RGS11: variants seen among roughly 807,000 people sequenced by gnomAD.
The protein encoded by RGS11 is regulator of G protein signaling 11, also known as regulator of G-protein signaling 11.
Under a neutral mutation model 71.1 loss-of-function variants are expected in RGS11, and 86 were observed. The ratio of observed to expected loss-of-function variants is 1.21; its 90% CI spans 1.02 to 1.45. The LOEUF is 1.45. Ranked by LOEUF, RGS11 falls within the 40% of genes most tolerant of loss-of-function variation. RGS11 has a pLI of 0.00. For synonymous variants in RGS11, 298 were observed against 254.2 expected (o/e 1.17, Z -1.64); for missense variants, 734 against 635.1 (o/e 1.16, Z -1.67).
At chr16:274,326 C>T in intron 4 of RGS11, 61 bp from the exon 5 acceptor site, 2 of 1,546,500 alleles carry the variant, frequency 1.3e-6, no homozygotes, top group Non-Finnish European at 1.8e-6. Flanking sequence ...CCAGTGTCAC[C>T]CCACCCTCAG....
chr16:270,855 A>G, intron 13 of RGS11, 24 bp from the exon 14 acceptor site: 1 of 1,606,190 alleles, frequency 6.2e-7, no homozygotes, highest in Non-Finnish European at 8.5e-7. Context: ...CACCCAGTCA[A>G]GGATCCCATC....
intron 9 of RGS11, chr16:272,554 C>A: frequency 2.8e-6 from 4 of 1,442,200 alleles, no homozygotes; most frequent in South Asian, 2.5e-5. Flanking sequence ...TGCTTGTCAC[C>A]CCTCCAATTC....
In RGS11 at chr16:275,466, G is replaced by A. The variant is rs772209951; in HGVS notation, c.96C>T (p.Pro32=). The A allele has an allele frequency of 3.8e-6, 6 of 1,590,752 alleles. No homozygotes were observed. Among genetic ancestry groups the A allele is most frequent in the Non-Finnish European group, 2.6e-6 (3 of 1,176,032 alleles). The change falls in exon 2 of 17, where the codon CCC becomes CCT. Residue 32 remains proline, a synonymous_variant. Coordinates refer to ENST00000397770, the MANE Select transcript of RGS11 (RefSeq NM_183337.3). The part of the protein sequence containing the change: ...MERVVVSMQD[P]DQGVKMRSQR... Reference sequence around the variant, plus strand: ...GGCTCCGCATCTTCACGCCCTGGTCGGGGTCCTGCATGCTCACGACCACCC... The same window carrying A: ...GGCTCCGCATCTTCACGCCCTGGTCAGGGTCCTGCATGCTCACGACCACCC...
rs779113314 is a variant in RGS11, at chr16:271,150, T to TC, written c.863+51dup. 2.7e-5 allele frequency: 44 copies of TC among 1,603,648 alleles called. 1 individual carries two copies. The South Asian group carries it at 4.5e-4, about 16-fold the overall frequency. On this transcript the variant is annotated intron_variant, in intron 12 of 16. Coordinates refer to ENST00000397770, the MANE Select transcript of RGS11 (RefSeq NM_183337.3). ...GAGGGTGGGGACTGACCCTCCTGCG[T>TC]CCCCCCAGGCTGGGAGCACACCCGC...
intron 9 of RGS11, chr16:271,831 A>G: frequency 1.9e-6 from 1 of 529,972 alleles, no homozygotes; most frequent in African/African-American, 1.9e-5. Flanking sequence ...GTAATATGTC[A>G]TTTTTTTTTC....
In RGS11 at chr16:270,719, C is replaced by T. The variant is rs190023318; in HGVS notation, c.1067+25G>A. 397 of 1,610,942 alleles carry T rather than the reference C, an allele frequency of 2.5e-4. No homozygotes were observed. The African/African-American group carries it at 4.8e-3, about 19-fold the overall frequency. ...CTGGGTGCACCTGCCCGTTGGCCAA[C>T]CGGTGCCCACCACGCAGCACTTACT... On this transcript the variant is annotated intron_variant, in intron 14 of 16. Coordinates refer to ENST00000397770, the MANE Select transcript of RGS11 (RefSeq NM_183337.3).
At position 272,437 on chromosome 16, in the gene RGS11, T is replaced by C. The variant is rs757111836; in HGVS notation, c.657+426A>G. ...GACTGGTTTGAACAAAGGGTTTTGC[T>C]GCTGCGGGGCTCAGATGCTCCCTCT... On this transcript the variant is annotated intron_variant, in intron 9 of 16. Transcript: ENST00000397770. The C allele has an allele frequency of 2.3e-6, 3 of 1,308,074 alleles. No homozygotes were observed. In the South Asian group the frequency reaches 3.7e-5, roughly 16 times the overall value. The allele number at this position is 1,308,074 out of a possible 1,614,324, so 81.0% of individuals were successfully genotyped here. A position where few individuals can be genotyped will look rare whatever the true frequency, so the allele number is the denominator to read the frequency against.
chr16:275,896 CG>C lies in RGS11; in HGVS notation c.15del (p.Ala6ArgfsTer14). 7.9e-6 allele frequency: 7 copies of C among 888,570 alleles called. No individual in the cohort carries two copies. Among genetic ancestry groups the C allele is most frequent in the East Asian group, 7.9e-5 (1 of 12,642 alleles). 55.0% of individuals were successfully genotyped at this position (888,570 alleles called of 1,614,324 possible). ...GCCCGGGGGCGGCCGGGGGGCGGCGCGGGGCCGGCGGCCATGGCTGCGGGGC... is the reference window on the plus strand; with the variant it reads ...GCCCGGGGGCGGCCGGGGGGCGGCGCGGGCCGGCGGCCATGGCTGCGGGGC... Reference protein sequence around the residue: MAAGPAPPPGRPRAQ... With the variant: MAAGXAPPPGRPRAQ... On this transcript the variant is annotated frameshift_variant, in exon 1 of 17. Transcript: ENST00000397770. LOFTEE classifies it high-confidence loss of function.
intron 7 of RGS11, 97 bp from the exon 8 acceptor site, chr16:273,653 G>C (rs1031317319): frequency 6.6e-7 from 1 of 1,505,032 alleles, no homozygotes; most frequent in African/African-American, 1.4e-5. Context: ...CCACACCCAG[G>C]GGTGCCCTCC....
rs367930013 is a variant in RGS11 at position 269,475 on chromosome 16, C to T, written c.1289+28G>A. 1.6e-5 allele frequency: 25 copies of T among 1,609,396 alleles called. No individual in the cohort carries two copies. In the African/African-American group the frequency reaches 3.1e-4, roughly 20 times the overall value. On this transcript the variant is annotated intron_variant, in intron 16 of 16. Transcript: ENST00000397770. ...CCCAGCAGCCCCCAGGCCACAGCCG[C>T]CGGCCACAGGGCACTGCCTGGGCTC...
In RGS11 at chr16:273,514, C is replaced by T. The variant is rs372803776; in HGVS notation, c.549G>A (p.Ala183=). The T allele has an allele frequency of 2.9e-4, 444 of 1,557,366 alleles. No homozygotes were observed. Among genetic ancestry groups the T allele is most frequent in the Non-Finnish European group, 3.7e-4 (422 of 1,150,720 alleles). The change falls in exon 8 of 17, where the codon GCG becomes GCA. Residue 183 remains alanine, a synonymous_variant. Coordinates refer to ENST00000397770, the MANE Select transcript of RGS11 (RefSeq NM_183337.3). The stretch of plus-strand genomic sequence containing the variant: ...CCAGCCAGTAGGTCTGCTCCTGGCA[C>T]GCAATGACCAGCCTGTCCCCCTTGC... ...QRSKGDRLVI[A]CQEQTYWLVN...
chr16:269,674 G>T, intron 15 of RGS11, 89 bp from the exon 16 acceptor site: 1 of 1,014,744 alleles, frequency 9.9e-7, no homozygotes, highest in Non-Finnish European at 1.5e-6. Flanking sequence ...CATTGCTGGA[G>T]CCTCCTCCAG....
chr16:270,826 T>G lies in RGS11; in HGVS notation c.985A>C (p.Asn329His). ...TCACATGCCTCCCAGAAGCTGAGGT[T>G]TTCTCCTGGGGGGCCGGGCACCCAG... ...DFLGKEFSGE[N>H]LSFWEACEEL... The change falls in exon 14 of 17, where the codon AAC (asparagine) becomes CAC (histidine). Residue 329 changes from asparagine to histidine, a missense_variant. Coordinates refer to ENST00000397770, the MANE Select transcript of RGS11 (RefSeq NM_183337.3). The G allele has an allele frequency of 6.2e-7, 1 of 1,611,158 alleles. No individual in the cohort carries two copies. Among genetic ancestry groups the G allele is most frequent in the Non-Finnish European group, 8.5e-7 (1 of 1,179,382 alleles).
At chr16:274,902 T>A in intron 4 of RGS11, 74 bp downstream of exon 4, 1 of 1,253,840 alleles carries the variant, frequency 8.0e-7, no homozygotes, top group Non-Finnish European at 1.1e-6. Flanking sequence ...GCCCCTCCTG[T>A]CTCCCCGAGT....
Position 272,944 on chromosome 16 carries a change from G to A in RGS11, c.589-13C>T, listed in dbSNP as rs774245252. ...CGGGGGCCCCGGGCTGCGGAGGGGA[G>A]ACGAGATGAGGTGGGGATGCAGTTC... On this transcript the variant is annotated splice_polypyrimidine_tract_variant and intron_variant, in intron 8 of 16. Coordinates refer to ENST00000397770, the MANE Select transcript of RGS11 (RefSeq NM_183337.3). 6.1e-5 allele frequency: 90 copies of A among 1,487,498 alleles called. No homozygotes were observed. In the South Asian group the frequency reaches 1.0e-3, roughly 17 times the overall value. The allele number at this position is 1,487,498 out of a possible 1,614,324, so 92.1% of individuals were successfully genotyped here.
intron 13 of RGS11, 25 bp from the exon 14 acceptor site, chr16:270,856 G>A (rs1596891029): frequency 1.2e-6 from 2 of 1,604,900 alleles, no homozygotes; most frequent in South Asian, 2.2e-5. Context: ...ACCCAGTCAA[G>A]GATCCCATCG....
In RGS11 at chr16:270,775, G is replaced by A; in HGVS notation, c.1036C>T (p.Gln346Ter). Residue 346 changes from glutamine (Q) to a stop codon, truncating the protein, a stop_gained, in exon 14 of 17, where the codon CAG becomes TAG. Coordinates refer to ENST00000397770, the MANE Select transcript of RGS11 (RefSeq NM_183337.3). LOFTEE classifies it high-confidence loss of function. ...ACGGCATCCACCAGGGTGGGGACCT[G>A]GGCCTGCGCTCCATATCGAAGCTCC... ...CEELRYGAQAQVPTLVDAVYE... is the reference protein window; with the variant it reads ...CEELRYGAQA 2 of 1,612,576 alleles carry A rather than the reference G, an allele frequency of 1.2e-6. No homozygotes were observed. Among genetic ancestry groups the A allele is most frequent in the South Asian group, 1.1e-5 (1 of 91,018 alleles).
At chr16:272,504 G>T in intron 9 of RGS11, 6 of 1,364,214 alleles carry the variant, frequency 4.4e-6, no homozygotes, top group Non-Finnish European at 5.8e-6. Context: ...CCTGGAGGGA[G>T]GTTGCTGGAT....
rs764484824 is a variant in RGS11, at chr16:271,396, C to A, written c.749+3G>T. The stretch of plus-strand genomic sequence containing the variant: ...TCCAGCTGCCACCCCTCACCCCACT[C>A]ACGCCTCAAGGCAGACGGAGGACTT... On this transcript the variant is annotated splice_donor_region_variant and intron_variant, in intron 11 of 16. Transcript: ENST00000397770. 1 of 1,613,654 alleles carries A rather than the reference C, an allele frequency of 6.2e-7. No individual in the cohort carries two copies. Among genetic ancestry groups the A allele is most frequent in the East Asian group, 2.2e-5 (1 of 44,884 alleles).
Sources: gnomAD v4.1 joint callset for allele counts on GRCh38, gnomAD v4.1.1 for gene constraint, MANE v1.5 for transcripts, NCBI Gene and HGNC (gene_info 2026-07-23, HGNC 2026-07-21) for gene names.